PIGU: variants seen among roughly 807,000 people sequenced by gnomAD.
PIGU encodes GPI-anchor transamidase component PIGU.
Under a neutral mutation model 49.9 loss-of-function variants are expected in PIGU, and 24 were observed. That is an observed-to-expected ratio of 0.48 (90% CI 0.35 to 0.68). PIGU has a LOEUF of 0.68. Among genes scored for constraint, PIGU ranks in the 30% least tolerant of loss-of-function variants. The pLI is 0.01. For synonymous variants in PIGU, 220 were observed against 205.7 expected (o/e 1.07, Z -0.59); for missense variants, 490 against 532.6 (o/e 0.92, Z 0.79).
intron 1 of PIGU, among the ~76,000 whole-genome samples, chr20:34,658,114 TGCCCAGTGCCTGC>T (rs1986769203): frequency 6.6e-6 from 1 of 152,238 alleles, no homozygotes; most frequent in African/African-American, 2.4e-5. Context: ...TGCCTCAGCC[TGCCCAGTGCCTGC>T]GATTGCAGGC....
At chr20:34,570,655 C>T (rs1258554254) in intron 11 of PIGU, among the ~76,000 whole-genome samples, 1 of 152,106 alleles carries the variant, frequency 6.6e-6, no homozygotes, top group Non-Finnish European at 1.5e-5. Flanking sequence ...CCTCATGATC[C>T]CAAAGTGCTG....
intron 11 of PIGU, among the ~76,000 whole-genome samples, chr20:34,570,514 G>A (rs4911431): frequency 0.85 from 128,840 of 151,912 alleles, 54,849 homozygotes; most frequent in Admixed American, 0.92. Context: ...TTCAGGGTTC[G>A]AGCAATTCTT....
At chr20:34,615,918 A>C in intron 7 of PIGU, 124 bp downstream of exon 7, 1 of 1,399,352 alleles carries the variant, frequency 7.1e-7, no homozygotes, top group Non-Finnish European at 9.3e-7. Flanking sequence ...ATGTGTTTAT[A>C]TTTTCAACTG....
At chr20:34,595,908 G>C (rs1357734786) in intron 7 of PIGU, among the ~76,000 whole-genome samples, 1 of 152,078 alleles carries the variant, frequency 6.6e-6, no homozygotes, top group African/African-American at 2.4e-5. Context: ...ATACCAGCCT[G>C]GCCAACTAAA....
chr20:34,571,147 T>C (rs927792818), intron 11 of PIGU, among the ~76,000 whole-genome samples: 1 of 152,216 alleles, frequency 6.6e-6, no homozygotes. Context: ...AGAAATCCAC[T>C]GGTCTCAATC....
Position 34,620,765 on chromosome 20 carries a change from C to T in PIGU, c.530-4626G>A, listed in dbSNP as rs1196301539. 2.7e-5 allele frequency among the ~76,000 whole-genome samples: 4 copies of T among 146,948 alleles called. No individual in the cohort carries two copies. In the East Asian group the frequency reaches 8.0e-4, roughly 29 times the overall value. ...GGCAGAGCTTGCAGTGAGCCGAGAT[C>T]GCGCCACTGCACGCGACACAGCAAG... On this transcript the variant is annotated intron_variant, in intron 6 of 11. Transcript: ENST00000217446.
intron 7 of PIGU, among the ~76,000 whole-genome samples, chr20:34,593,745 T>C (rs1393637921): frequency 2.6e-5 from 4 of 152,222 alleles, no homozygotes; most frequent in Non-Finnish European, 4.4e-5. Flanking sequence ...CAAATATATT[T>C]TTTAAATGAA....
chr20:34,605,788 T>C (rs1227408135), intron 7 of PIGU, among the ~76,000 whole-genome samples: 1 of 152,166 alleles, frequency 6.6e-6, no homozygotes, highest in Non-Finnish European at 1.5e-5. Flanking sequence ...TATGTCTAGA[T>C]TAAATATTAA....
At chr20:34,662,521 A>T (rs1164317538) in intron 1 of PIGU, among the ~76,000 whole-genome samples, 1 of 151,062 alleles carries the variant, frequency 6.6e-6, no homozygotes, top group Admixed American at 6.6e-5. Flanking sequence ...TCAGCCACCC[A>T]GTAGCTAGGA....
Position 34,588,520 on chromosome 20 carries a change from C to T in PIGU, c.715G>A (p.Val239Ile), listed in dbSNP as rs368041678. 9 of 1,613,760 alleles carry T rather than the reference C, an allele frequency of 5.6e-6. No individual in the cohort carries two copies. The highest frequency in any genetic ancestry group is 7.6e-6 in the Non-Finnish European group (9 of 1,179,650). ...AGGAAGAAGGAGAGGCAAATGATTA[C>T]CACTAGGCTTCCCACATACATCATG... is the stretch of plus-strand genomic sequence containing the variant. ...YAMMYVGSLV[V>I]IICLSFFLLS... The change falls in exon 8 of 12, where the codon GTA becomes ATA. Residue 239 changes from valine (V) to isoleucine (I), a missense_variant. Transcript: ENST00000217446.
chr20:34,594,667 G>A (rs943056516), intron 7 of PIGU, among the ~76,000 whole-genome samples: 4 of 152,148 alleles, frequency 2.6e-5, no homozygotes, highest in South Asian at 2.1e-4. Context: ...CCAGCTACTC[G>A]GGAGGCTGGG....
At chr20:34,662,426 C>T (rs1455499555) in intron 1 of PIGU, among the ~76,000 whole-genome samples, 3 of 145,984 alleles carry the variant, frequency 2.1e-5, no homozygotes, top group African/African-American at 5.1e-5. Context: ...GACAGAGTCT[C>T]GGTCTGTCAC....
intron 7 of PIGU, among the ~76,000 whole-genome samples, chr20:34,601,102 TCA>T (rs1217400242): frequency 6.6e-6 from 1 of 152,132 alleles, no homozygotes; most frequent in Non-Finnish European, 1.5e-5. Context: ...AAATGAGGTT[TCA>T]CTCTTTGCAA....
At chr20:34,665,777 T>A (rs1447517894) in intron 1 of PIGU, among the ~76,000 whole-genome samples, 3 of 152,120 alleles carry the variant, frequency 2.0e-5, no homozygotes, top group African/African-American at 7.2e-5. Context: ...TACATAGATG[T>A]TTCATCTATG....
intron 9 of PIGU, 85 bp downstream of exon 9, chr20:34,585,352 T>C: frequency 6.8e-7 from 1 of 1,470,924 alleles, no homozygotes; most frequent in Non-Finnish European, 9.2e-7. Context: ...GTGCTCCACA[T>C]TTGAAGGCCA....
intron 1 of PIGU, among the ~76,000 whole-genome samples, chr20:34,659,984 C>T (rs1986878865): frequency 1.3e-5 from 2 of 150,238 alleles, no homozygotes; most frequent in African/African-American, 4.9e-5. Context: ...GCTGACCTTC[C>T]CTCCACTATT....
intron 1 of PIGU, among the ~76,000 whole-genome samples, chr20:34,673,661 C>T (rs1987384669): frequency 6.6e-6 from 1 of 152,164 alleles, no homozygotes; most frequent in Non-Finnish European, 1.5e-5. Flanking sequence ...TAGAATTCAC[C>T]TTTTTGGCTT....
intron 7 of PIGU, among the ~76,000 whole-genome samples, chr20:34,611,323 T>C (rs1332862262): frequency 2.0e-5 from 3 of 151,756 alleles, no homozygotes; most frequent in Non-Finnish European, 4.4e-5. Flanking sequence ...AGGTCTAATA[T>C]CCAGAATCTA....
At chr20:34,623,180 A>G (rs1396260436) in intron 6 of PIGU, among the ~76,000 whole-genome samples, 1 of 151,650 alleles carries the variant, frequency 6.6e-6, no homozygotes, top group Non-Finnish European at 1.5e-5. Context: ...ACAGGCAGAA[A>G]CGCACTGGAA....
Sources: gnomAD v4.1 joint callset for allele counts (sites outside exome capture counted in the v4.1 genomes callset) on GRCh38, gnomAD v4.1.1 for gene constraint, MANE v1.5 for transcripts, NCBI Gene and HGNC (gene_info 2026-07-23, HGNC 2026-07-21) for gene names.